PCDH15: variants seen among roughly 807,000 people sequenced by gnomAD.
PCDH15 encodes the protein protocadherin related 15.
PCDH15 carries 129 observed loss-of-function variants against 178.5 expected under a neutral mutation model. The ratio of observed to expected loss-of-function variants is 0.72; its 90% CI spans 0.63 to 0.84. PCDH15 has a LOEUF of 0.84. Among genes scored for constraint, PCDH15 ranks in the 40% least tolerant of loss-of-function variants. The pLI is 0.00. For missense variants in PCDH15, 2,230 were observed against 2,099.9 expected (o/e 1.06, Z -1.21); for synonymous variants, 800 against 732.0 (o/e 1.09, Z -1.50).
At chr10:54,321,005 A>G (rs959858360) in intron 7 of PCDH15, among the ~76,000 whole-genome samples, 2 of 151,422 alleles carry the variant, frequency 1.3e-5, no homozygotes, top group Non-Finnish European at 3.0e-5. Context: ...CTAAATATAT[A>G]TATATAAACT....
intron 2 of PCDH15, among the ~76,000 whole-genome samples, chr10:55,010,490 T>C (rs867936671): frequency 1.2e-4 from 18 of 152,272 alleles, no homozygotes; most frequent in Non-Finnish European, 2.2e-4. Flanking sequence ...AGGCATAATG[T>C]AAATTTGGCT....
chr10:54,130,870 G>A (rs12254026), intron 15 of PCDH15, among the ~76,000 whole-genome samples: 2,371 of 152,198 alleles, frequency 0.016, 75 homozygotes, highest in African/African-American at 0.055. Flanking sequence ...AATTTGACGG[G>A]AGCTTTTCAA....
intron 2 of PCDH15, among the ~76,000 whole-genome samples, chr10:54,555,358 A>G (rs1174278006): frequency 6.6e-6 from 1 of 152,076 alleles, no homozygotes; most frequent in Non-Finnish European, 1.5e-5. Context: ...CCCCTCATTT[A>G]ATAGGTAGGG....
intron 7 of PCDH15, among the ~76,000 whole-genome samples, chr10:54,320,738 A>G (rs1247071174): frequency 6.6e-6 from 1 of 152,000 alleles, no homozygotes; most frequent in Non-Finnish European, 1.5e-5. Flanking sequence ...CAAGGGGCAG[A>G]TTCCAATACA....
chr10:54,825,164 G>A (rs1953105976), intron 3 of PCDH15, among the ~76,000 whole-genome samples: 1 of 151,764 alleles, frequency 6.6e-6, no homozygotes, highest in Non-Finnish European at 1.5e-5. Flanking sequence ...GAGAATGATG[G>A]TTTCCAGCTT....
chr10:55,360,705 T>C (rs1337734570), intron 2 of PCDH15, among the ~76,000 whole-genome samples: 2 of 152,024 alleles, frequency 1.3e-5, no homozygotes, highest in African/African-American at 2.4e-5. Context: ...ATGGATATTC[T>C]ATTCTATGAC....
At chr10:54,442,457 T>A (rs9415332) in intron 3 of PCDH15, among the ~76,000 whole-genome samples, 2 of 97,016 alleles carry the variant, frequency 2.1e-5, no homozygotes, top group Non-Finnish European at 4.3e-5. Flanking sequence ...TATATATATA[T>A]ATACAGTCTT....
chr10:54,548,307 T>G (rs2086116624), intron 2 of PCDH15, among the ~76,000 whole-genome samples: 1 of 148,446 alleles, frequency 6.7e-6, no homozygotes, highest in Admixed American at 6.7e-5. Context: ...TTCTTAAGTT[T>G]CCTTTAACAG....
At chr10:54,748,529 G>A (rs1273174415) in intron 1 of PCDH15, among the ~76,000 whole-genome samples, 1 of 152,112 alleles carries the variant, frequency 6.6e-6, no homozygotes, top group Non-Finnish European at 1.5e-5. Context: ...TGTCCCCACG[G>A]TATATTCGAT....
chr10:53,861,437 A>T (rs2079100714), intron 27 of PCDH15, among the ~76,000 whole-genome samples: 1 of 152,138 alleles, frequency 6.6e-6, no homozygotes, highest in Admixed American at 6.6e-5. Context: ...ATGGTTGGAA[A>T]TTTACATGTT....
chr10:54,158,585 ACT>A (rs1486480692), intron 13 of PCDH15, among the ~76,000 whole-genome samples: 1 of 152,168 alleles, frequency 6.6e-6, no homozygotes, highest in Non-Finnish European at 1.5e-5. Flanking sequence ...GCAGTTTACT[ACT>A]CTCTTTAATT....
intron 1 of PCDH15, among the ~76,000 whole-genome samples, chr10:55,201,605 A>G (rs1456344601): frequency 1.3e-5 from 2 of 152,174 alleles, no homozygotes; most frequent in Non-Finnish European, 2.9e-5. Context: ...GAAAGATATC[A>G]AGGACTTTTG....
chr10:54,168,835 T>C (rs2046545413), intron 13 of PCDH15, among the ~76,000 whole-genome samples: 2 of 151,960 alleles, frequency 1.3e-5, no homozygotes, highest in Admixed American at 1.3e-4. Context: ...AAAATTAAAT[T>C]CCGGCCCTCA....
chr10:55,205,992 C>A (rs988686714), intron 1 of PCDH15, among the ~76,000 whole-genome samples: 2 of 151,850 alleles, frequency 1.3e-5, no homozygotes, highest in South Asian at 2.1e-4. Flanking sequence ...TTCACTATCA[C>A]GAGAACAGCA....
chr10:54,012,921 A>G (rs1399707030), intron 20 of PCDH15, among the ~76,000 whole-genome samples: 2 of 152,130 alleles, frequency 1.3e-5, no homozygotes, highest in African/African-American at 2.4e-5. Context: ...ATTCACACAC[A>G]TCAATATTAA....
chr10:55,302,452 C>T (rs1843310720), intron 1 of PCDH15, among the ~76,000 whole-genome samples: 3 of 151,996 alleles, frequency 2.0e-5, no homozygotes, highest in Admixed American at 2.0e-4. Flanking sequence ...ACCATGAAAG[C>T]TAGTAAGTAC....
In PCDH15 at chr10:53,805,577, C is replaced by T. The variant is rs1004905350; in HGVS notation, c.*1002G>A. ...ACCTGAAAATGGAAGAAGTTAAACACAACATTTGAAGTTATGAATTCATAG... is the reference window on the plus strand; with the variant it reads ...ACCTGAAAATGGAAGAAGTTAAACATAACATTTGAAGTTATGAATTCATAG... On this transcript the variant is annotated 3_prime_UTR_variant, in exon 38 of 38. Transcript: ENST00000644397. 1.3e-5 allele frequency: 2 copies of T among 151,858 alleles called. No individual in the cohort carries two copies. The highest frequency in any genetic ancestry group is 6.6e-5 in the Admixed American group (1 of 15,218). The allele number at this position is 151,858 out of a possible 1,614,324, so 9.4% of individuals were successfully genotyped here.
chr10:54,063,973 GT>G (rs1277175219), intron 18 of PCDH15, among the ~76,000 whole-genome samples: 1 of 152,154 alleles, frequency 6.6e-6, no homozygotes, highest in Non-Finnish European at 1.5e-5. Flanking sequence ...GCTAAACAAG[GT>G]TTTAGCCCTG....
At chr10:54,676,991 A>T (rs191698118) in intron 1 of PCDH15, among the ~76,000 whole-genome samples, 1 of 152,336 alleles carries the variant, frequency 6.6e-6, no homozygotes, top group Non-Finnish European at 1.5e-5. Flanking sequence ...CAGTTTTAAT[A>T]ATGATAAAGG....
Sources: allele counts gnomAD v4.1 joint callset (sites outside exome capture counted in the v4.1 genomes callset), GRCh38; gene constraint gnomAD v4.1.1; transcripts MANE v1.5; gene names NCBI Gene and HGNC (gene_info 2026-07-23, HGNC 2026-07-21).